Variants in SLC6A15 observed in about 807,000 individuals in gnomAD.
SLC6A15 encodes sodium-dependent neutral amino acid transporter B(0)AT2.
A neutral mutation model predicts 68.5 loss-of-function variants in SLC6A15; 33 were observed. The ratio of observed to expected loss-of-function variants is 0.48; its 90% CI spans 0.37 to 0.64. The LOEUF (loss-of-function observed/expected upper bound fraction) is 0.64. Among genes scored for constraint, SLC6A15 ranks in the 30% least tolerant of loss-of-function variants. SLC6A15 has a pLI of 0.00. For synonymous variants in SLC6A15, 347 were observed against 301.0 expected, an observed-to-expected ratio of 1.15 and a Z score of -1.58; for missense variants, 747 against 874.3, an observed-to-expected ratio of 0.85 and a Z score of 1.84.
chr12:84,860,138 A>C lies in SLC6A15; in HGVS notation c.*1494T>G, dbSNP rs1870785364. 1 of 152,096 alleles carries C rather than the reference A, an allele frequency of 6.6e-6. No homozygotes were observed. The highest frequency in any genetic ancestry group is 1.5e-5 in the Non-Finnish European group (1 of 67,944). The allele number at this position is 152,096 out of a possible 1,614,324, so 9.4% of individuals were successfully genotyped here. ...TTTAAATGCTGTGATACCATTTATT[A>C]ACATCTATCTATAGCAGAGCGAGAA... On this transcript the variant is annotated 3_prime_UTR_variant, in exon 12 of 12. Coordinates refer to ENST00000266682, the MANE Select transcript of SLC6A15 (RefSeq NM_182767.6).
intron 1 of SLC6A15, among the ~76,000 whole-genome samples, chr12:84,908,670 C>T (rs1440049817): frequency 6.7e-6 from 1 of 149,620 alleles, no homozygotes; most frequent in East Asian, 2.0e-4. Flanking sequence ...CCATCTGTAC[C>T]TCCCAATAAG....
Position 84,872,779 on chromosome 12 carries a change from G to A in SLC6A15, c.1125C>T (p.Ile375=). 7 of 1,602,508 alleles carry A rather than the reference G, an allele frequency of 4.4e-6. No homozygotes were observed. Among genetic ancestry groups the A allele is most frequent in the Non-Finnish European group, 5.1e-6 (6 of 1,176,948 alleles). The change falls in exon 8 of 12, where the codon ATC becomes ATT. Residue 375 remains isoleucine (I), a synonymous_variant. Coordinates refer to ENST00000266682, the MANE Select transcript of SLC6A15 (RefSeq NM_182767.6). ...TGTTCCCCATTTTCAAAAATTTCATGATCGTCTCTGAATTTCTGAAAAATA... is the reference window on the plus strand; with the variant it reads ...TGTTCCCCATTTTCAAAAATTTCATAATCGTCTCTGAATTTCTGAAAAATA... ...EKCITQNSET[I]MKFLKMGNIS...
At chr12:84,904,997 T>C (rs1167183793) in intron 1 of SLC6A15, among the ~76,000 whole-genome samples, 1 of 152,090 alleles carries the variant, frequency 6.6e-6, no homozygotes, top group African/African-American at 2.4e-5. Context: ...AAAGAAGAAT[T>C]AACATCAATT....
chr12:84,869,158 A>T (rs1341512145), intron 9 of SLC6A15, among the ~76,000 whole-genome samples: 1 of 152,136 alleles, frequency 6.6e-6, no homozygotes, highest in East Asian at 1.9e-4. Context: ...TTATTAGTAA[A>T]TTTTTTATGG....
chr12:84,907,173 C>T (rs544378266), intron 1 of SLC6A15, among the ~76,000 whole-genome samples: 5 of 151,816 alleles, frequency 3.3e-5, no homozygotes, highest in African/African-American at 4.8e-5. Context: ...CACGGTGAAA[C>T]CCTGTCTATA....
intron 11 of SLC6A15, 81 bp from the exon 12 acceptor site, chr12:84,862,087 G>T (rs1014911742): frequency 1.1e-5 from 15 of 1,386,586 alleles, no homozygotes; most frequent in Non-Finnish European, 1.5e-5. Context: ...CTTCAAGTTT[G>T]TAAGCAAAGA....
At chr12:84,910,953 G>GTGTGTGTGTGTGTGTGTCTT (rs1565736544) in intron 1 of SLC6A15, among the ~76,000 whole-genome samples, 41 of 145,068 alleles carry the variant, frequency 2.8e-4, no homozygotes, top group African/African-American at 1.1e-3. Context: ...GTGTGTGTGT[G>GTGTGTGTGTGTGTGTGTCTT]TCTTTAACCC....
chr12:84,883,551 G>A lies in SLC6A15; in HGVS notation c.756+308C>T, dbSNP rs573230815. The A allele has an allele frequency of 3.0e-6, 4 of 1,319,530 alleles. No individual in the cohort carries two copies. The African/African-American group carries it at 6.0e-5, about 20-fold the overall frequency. 81.7% of individuals were successfully genotyped at this position (1,319,530 alleles called of 1,614,324 possible). On this transcript the variant is annotated intron_variant, in intron 5 of 11. Coordinates refer to ENST00000266682, the MANE Select transcript of SLC6A15 (RefSeq NM_182767.6). ...TTAACTAATTGGTAATTAGAGAACTGAAACATTAGGACTAATTGAATAAAG... is the reference window on the plus strand; with the variant it reads ...TTAACTAATTGGTAATTAGAGAACTAAAACATTAGGACTAATTGAATAAAG...
intron 6 of SLC6A15, among the ~76,000 whole-genome samples, chr12:84,874,289 T>G (rs1286422063): frequency 6.6e-6 from 1 of 152,022 alleles, no homozygotes; most frequent in Non-Finnish European, 1.5e-5. Flanking sequence ...TTCAGAAAGA[T>G]CAGAATAATA....
intron 1 of SLC6A15, among the ~76,000 whole-genome samples, chr12:84,893,519 A>C (rs1480267321): frequency 6.6e-6 from 1 of 152,124 alleles, no homozygotes; most frequent in Non-Finnish European, 1.5e-5. Context: ...CAGCGACACT[A>C]TGTTAAAATG....
intron 10 of SLC6A15, among the ~76,000 whole-genome samples, chr12:84,866,179 T>C (rs995399509): frequency 3.3e-5 from 5 of 152,162 alleles, no homozygotes; most frequent in African/African-American, 1.2e-4. Context: ...CTACTTTACA[T>C]AGGGCTGTAA....
intron 5 of SLC6A15, among the ~76,000 whole-genome samples, chr12:84,880,055 G>A (rs1159691166): frequency 6.6e-6 from 1 of 152,056 alleles, no homozygotes; most frequent in Non-Finnish European, 1.5e-5. Flanking sequence ...TAAGGACACT[G>A]ATCTGGATTC....
At position 84,861,495 on chromosome 12, in the gene SLC6A15, T is replaced by C. The variant is rs1373451982; in HGVS notation, c.*137A>G. Reference sequence around the variant, plus strand: ...AGAATGCTCAAGTTGAACTGACATATACTGTTAGGATTAAAGATCACAGCC... The same window carrying C: ...AGAATGCTCAAGTTGAACTGACATACACTGTTAGGATTAAAGATCACAGCC... On this transcript the variant is annotated 3_prime_UTR_variant, in exon 12 of 12. Transcript: ENST00000266682. The C allele has an allele frequency of 1.0e-6, 1 of 962,278 alleles. No homozygotes were observed. The highest frequency in any genetic ancestry group is 1.5e-6 in the Non-Finnish European group (1 of 645,468). 59.6% of individuals were successfully genotyped at this position (962,278 alleles called of 1,614,324 possible). A position where few individuals can be genotyped will look rare whatever the true frequency, so the allele number is the denominator to read the frequency against.
chr12:84,908,076 C>G (rs1303765767), intron 1 of SLC6A15, among the ~76,000 whole-genome samples: 2 of 152,064 alleles, frequency 1.3e-5, no homozygotes, highest in African/African-American at 4.8e-5. Context: ...AAGGCCAACA[C>G]AGTTAATCCT....
At chr12:84,886,768 C>T (rs1872124899) in intron 2 of SLC6A15, among the ~76,000 whole-genome samples, 1 of 151,944 alleles carries the variant, frequency 6.6e-6, no homozygotes, top group South Asian at 2.1e-4. Context: ...ATGTTATTAT[C>T]CTTGTAATAA....
intron 1 of SLC6A15, among the ~76,000 whole-genome samples, chr12:84,903,183 C>T (rs1872966582): frequency 6.6e-6 from 1 of 152,034 alleles, no homozygotes; most frequent in South Asian, 2.1e-4. Context: ...TTGTTGACTT[C>T]TGTGAATCAA....
intron 2 of SLC6A15, among the ~76,000 whole-genome samples, chr12:84,888,822 T>C (rs1038566593): frequency 8.5e-5 from 13 of 152,134 alleles, no homozygotes; most frequent in Admixed American, 1.3e-4. Context: ...CTAAAGGAAA[T>C]TGGAAGGACC....
At chr12:84,885,279 G>T (rs944753220) in intron 4 of SLC6A15, among the ~76,000 whole-genome samples, 156 bp downstream of exon 4, 10 of 152,136 alleles carry the variant, frequency 6.6e-5, no homozygotes, top group Non-Finnish European at 1.3e-4. Flanking sequence ...CTATCTCTAA[G>T]AGTATGTCAA....
chr12:84,911,848 C>G (rs1028871971), intron 1 of SLC6A15: 1 of 152,332 alleles, frequency 6.6e-6, no homozygotes, highest in African/African-American at 2.4e-5. Flanking sequence ...TTCCAGGATG[C>G]GCAGAAACAC....
Sources: allele counts gnomAD v4.1 joint callset (sites outside exome capture counted in the v4.1 genomes callset), GRCh38; gene constraint gnomAD v4.1.1; transcripts MANE v1.5; gene names NCBI Gene and HGNC (gene_info 2026-07-23, HGNC 2026-07-21).